TYW3: variants seen among roughly 807,000 people sequenced by gnomAD.
TYW3 encodes tRNA-yW synthesizing protein 3 homolog, also known as tRNA wybutosine-synthesizing protein 3 homolog.
A neutral mutation model predicts 23.1 loss-of-function variants in TYW3; 26 were observed. The ratio of observed to expected loss-of-function variants is 1.13; its 90% CI spans 0.83 to 1.56. The LOEUF (loss-of-function observed/expected upper bound fraction) is 1.56, where lower values mean the gene tolerates loss of function less well. Among genes scored for constraint, TYW3 ranks in the 40% most tolerant of loss-of-function variants. The pLI, the probability that TYW3 is intolerant of heterozygous loss-of-function variation, is 0.00. For missense variants in TYW3, 316 were observed against 311.9 expected, an observed-to-expected ratio of 1.01 and a Z score of -0.10; for synonymous variants, 102 against 105.7, an observed-to-expected ratio of 0.97 and a Z score of 0.21.
chr1:74,764,062 T>A lies in TYW3; in HGVS notation c.729T>A (p.Asp243Glu). The A allele has an allele frequency of 6.2e-7, 1 of 1,613,244 alleles. No homozygotes were observed. The highest frequency in any genetic ancestry group is 8.5e-7 in the Non-Finnish European group (1 of 1,179,604). The change falls in exon 6 of 6, where the codon GAT becomes GAA. Residue 243 changes from aspartate to glutamate, a missense_variant. By Grantham distance (45) the Asp-to-Glu change is conservative. Transcript: ENST00000370867. ...AAAGTGATGAAGAACTTGAAAATGA[T>A]GATGATGATGATCTAGGAATCAATG... ...TKESDEELEN[D>E]DDDDLGINVT...
At chr1:74,740,892 G>A (rs1179961023) in intron 3 of TYW3, among the ~76,000 whole-genome samples, 1 of 152,234 alleles carries the variant, frequency 6.6e-6, no homozygotes, top group Non-Finnish European at 1.5e-5. Flanking sequence ...ACTTGACCCA[G>A]AAAGTCCAGC....
intron 4 of TYW3, chr1:74,751,328 C>T (rs1031184560): frequency 1.3e-5 from 2 of 152,176 alleles, no homozygotes; most frequent in Non-Finnish European, 2.9e-5. Context: ...TATAGTCACC[C>T]TGTATCTTCA....
At chr1:74,740,173 G>T (rs564592548) in intron 3 of TYW3, among the ~76,000 whole-genome samples, 3 of 152,170 alleles carry the variant, frequency 2.0e-5, no homozygotes, top group Non-Finnish European at 4.4e-5. Flanking sequence ...AGATGTGTCC[G>T]GAGTTTCTTC....
chr1:74,756,610 A>G (rs1188634992), intron 5 of TYW3, among the ~76,000 whole-genome samples: 3 of 152,218 alleles, frequency 2.0e-5, no homozygotes, highest in Non-Finnish European at 2.9e-5. Context: ...ATTCAGTTTT[A>G]TAAGGGAAGC....
At chr1:74,748,873 A>G in intron 4 of TYW3, 51 bp downstream of exon 4, 1 of 1,509,368 alleles carries the variant, frequency 6.6e-7, no homozygotes, top group East Asian at 2.3e-5. Flanking sequence ...TGATCCAGAA[A>G]TTGAATAACC....
intron 5 of TYW3, among the ~76,000 whole-genome samples, chr1:74,760,151 A>C (rs1187083461): frequency 6.6e-6 from 1 of 152,210 alleles, no homozygotes; most frequent in Non-Finnish European, 1.5e-5. Flanking sequence ...ATTAAGTGGA[A>C]ATGGATCATC....
chr1:74,736,316 T>A lies in TYW3; in HGVS notation c.175-226T>A, dbSNP rs916928066. ...ATCATGACCATATTTCAGAAGATGT[T>A]TATCAAGTAGTTTTACCTTTCACAT... is the stretch of plus-strand genomic sequence containing the variant. On this transcript the variant is annotated intron_variant, in intron 1 of 5. Transcript: ENST00000370867. 271 of 342,676 alleles carry A rather than the reference T, an allele frequency of 7.9e-4. 5 individuals are homozygous for A. Among genetic ancestry groups the A allele is most frequent in the Middle Eastern group, 1.6e-3 (2 of 1,230 alleles). 21.2% of individuals were successfully genotyped at this position (342,676 alleles called of 1,614,324 possible).
At chr1:74,747,548 A>G (rs796298329) in intron 3 of TYW3, among the ~76,000 whole-genome samples, 8 of 150,350 alleles carry the variant, frequency 5.3e-5, no homozygotes, top group African/African-American at 1.9e-4. Flanking sequence ...GAGGCAGGAG[A>G]ATGGCGTGAA....
At chr1:74,740,736 G>A (rs1462385940) in intron 3 of TYW3, among the ~76,000 whole-genome samples, 5 of 152,054 alleles carry the variant, frequency 3.3e-5, no homozygotes, top group Non-Finnish European at 7.4e-5. Flanking sequence ...GACACAGAGC[G>A]CTGATTGGTG....
chr1:74,748,750 G>T lies in TYW3; in HGVS notation c.355-1G>T. 1.2e-6 allele frequency: 2 copies of T among 1,613,892 alleles called. No homozygotes were observed. Among genetic ancestry groups the T allele is most frequent in the Middle Eastern group, 1.7e-4 (1 of 6,058 alleles). ...ATGTAACAAGTTTTATTTTCTTACAGCATTCCATGGCAATAGATTCTGGTT... is the reference window on the plus strand; with the variant it reads ...ATGTAACAAGTTTTATTTTCTTACATCATTCCATGGCAATAGATTCTGGTT... On this transcript the variant is annotated splice_acceptor_variant, in intron 3 of 5. Coordinates refer to ENST00000370867, the MANE Select transcript of TYW3 (RefSeq NM_138467.3). LOFTEE classifies it high-confidence loss of function.
At chr1:74,763,714 C>T (rs1285459801) in intron 5 of TYW3, among the ~76,000 whole-genome samples, 180 bp from the exon 6 acceptor site, 3 of 152,030 alleles carry the variant, frequency 2.0e-5, no homozygotes, top group African/African-American at 7.2e-5. Flanking sequence ...GTTTTCAGGG[C>T]TGTTCTTAAA....
At chr1:74,734,695 G>C (rs917927688) in intron 1 of TYW3, among the ~76,000 whole-genome samples, 3 of 152,116 alleles carry the variant, frequency 2.0e-5, no homozygotes, top group African/African-American at 7.2e-5. Context: ...TAAAAACCAC[G>C]GGCTATGTGA....
intron 3 of TYW3, among the ~76,000 whole-genome samples, chr1:74,739,312 T>A (rs1231595463): frequency 1.3e-5 from 2 of 152,184 alleles, no homozygotes; most frequent in Non-Finnish European, 2.9e-5. Context: ...AAGACTGTCT[T>A]GGTTCCTCTT....
intron 4 of TYW3, chr1:74,750,419 C>G (rs988827529): frequency 2.0e-5 from 3 of 152,272 alleles, no homozygotes; most frequent in Non-Finnish European, 2.9e-5. Context: ...CCAAAATTAG[C>G]CAGGCATGGT....
intron 5 of TYW3, among the ~76,000 whole-genome samples, chr1:74,757,260 C>T (rs1029433954): frequency 6.6e-6 from 1 of 152,188 alleles, no homozygotes; most frequent in East Asian, 1.9e-4. Flanking sequence ...GATAGATCCA[C>T]CGACAGCTTG....
chr1:74,762,179 A>T (rs977151536), intron 5 of TYW3, among the ~76,000 whole-genome samples: 7 of 152,088 alleles, frequency 4.6e-5, no homozygotes, highest in Admixed American at 4.6e-4. Context: ...AATGGACAGG[A>T]TGTGTACTCA....
At chr1:74,746,069 T>G (rs1156257613) in intron 3 of TYW3, among the ~76,000 whole-genome samples, 3 of 152,254 alleles carry the variant, frequency 2.0e-5, no homozygotes, top group Non-Finnish European at 4.4e-5. Flanking sequence ...TTTGAAGCCC[T>G]GTAGACACAA....
chr1:74,752,009 G>A (rs1373364038), intron 4 of TYW3, among the ~76,000 whole-genome samples: 2 of 152,138 alleles, frequency 1.3e-5, no homozygotes, highest in Non-Finnish European at 2.9e-5. Flanking sequence ...GCTATAGTGA[G>A]ATTGAAATTG....
Position 74,733,291 on chromosome 1 carries a change from G to C in TYW3, c.47G>C (p.Ser16Thr). ...EFRKWKAQCLSKADLSRKGSV... is the reference protein window; with the variant it reads ...EFRKWKAQCLTKADLSRKGSV... ...AGGAAATGGAAGGCGCAATGTTTGA[G>C]CAAAGCGGACCTCAGCCGGAAGGGC... The change falls in exon 1 of 6, where the codon AGC becomes ACC. Residue 16 changes from serine (S) to threonine (T), a missense_variant. By Grantham distance (58) the Ser-to-Thr change is moderately conservative. Coordinates refer to ENST00000370867, the MANE Select transcript of TYW3 (RefSeq NM_138467.3). 2 of 1,614,168 alleles carry C rather than the reference G, an allele frequency of 1.2e-6. No individual in the cohort carries two copies. Among genetic ancestry groups the C allele is most frequent in the Non-Finnish European group, 1.7e-6 (2 of 1,180,030 alleles).
Sources: allele counts gnomAD v4.1 joint callset (sites outside exome capture counted in the v4.1 genomes callset), GRCh38; gene constraint gnomAD v4.1.1; transcripts MANE v1.5; gene names NCBI Gene and HGNC (gene_info 2026-07-23, HGNC 2026-07-21).